Variants in MAGI1 observed in about 807,000 individuals in gnomAD.
MAGI1 encodes membrane-associated guanylate kinase, WW and PDZ domain-containing protein 1.
MAGI1 carries 58 observed loss-of-function variants against 139.9 expected under a neutral mutation model. The ratio of observed to expected loss-of-function variants is 0.41; its 90% confidence interval spans 0.34 to 0.52. The LOEUF is 0.52. Ranked by LOEUF, MAGI1 falls within the 20% of genes least tolerant of loss-of-function variation. MAGI1 has a pLI of 0.12. For synonymous variants in MAGI1, 812 were observed against 737.9 expected (o/e 1.10, Z -1.63); for missense variants, 1,874 against 1,901.6 (o/e 0.99, Z 0.27).
chr3:66,014,159 A>C (rs1268143995), intron 1 of MAGI1, among the ~76,000 whole-genome samples: 1 of 152,198 alleles, frequency 6.6e-6, no homozygotes, highest in African/African-American at 2.4e-5. Flanking sequence ...CATCCAAAGC[A>C]GTTCACCAAA....
intron 2 of MAGI1, among the ~76,000 whole-genome samples, chr3:65,602,721 G>A (rs546465442): frequency 5.5e-4 from 83 of 151,890 alleles, no homozygotes; most frequent in African/African-American, 2.0e-3. Flanking sequence ...ATTTTTAAAA[G>A]GTAGAAAGAA....
At chr3:65,812,637 T>G (rs2041339590) in intron 1 of MAGI1, among the ~76,000 whole-genome samples, 1 of 151,442 alleles carries the variant, frequency 6.6e-6, no homozygotes. Flanking sequence ...CATTCTATGT[T>G]CCAAAGAAAT....
At chr3:65,673,542 A>G (rs574552874) in intron 1 of MAGI1, among the ~76,000 whole-genome samples, 1 of 152,308 alleles carries the variant, frequency 6.6e-6, no homozygotes, top group Non-Finnish European at 1.5e-5. Flanking sequence ...TCCTACTCCA[A>G]TTTGAGAAAA....
At chr3:65,438,005 T>C (rs1370303681) in intron 9 of MAGI1, among the ~76,000 whole-genome samples, 3 of 152,176 alleles carry the variant, frequency 2.0e-5, no homozygotes, top group Admixed American at 6.5e-5. Context: ...AGAACCACCA[T>C]ACAATCCAGC....
At chr3:65,749,861 TA>T (rs2036002114) in intron 1 of MAGI1, among the ~76,000 whole-genome samples, 1 of 152,122 alleles carries the variant, frequency 6.6e-6, no homozygotes. Flanking sequence ...TCCTTATTTT[TA>T]AAAAGAGGTT....
intron 1 of MAGI1, among the ~76,000 whole-genome samples, chr3:65,978,664 T>C (rs1350384264): frequency 6.6e-6 from 1 of 151,198 alleles, no homozygotes; most frequent in African/African-American, 2.4e-5. Flanking sequence ...GTTTCACTCT[T>C]GTTGCCCAGG....
chr3:65,608,053 G>C (rs550117136), intron 2 of MAGI1, among the ~76,000 whole-genome samples: 2 of 152,326 alleles, frequency 1.3e-5, no homozygotes, highest in East Asian at 1.9e-4. Context: ...AAAAAGGTTA[G>C]ACAACCAGTG....
intron 2 of MAGI1, among the ~76,000 whole-genome samples, chr3:65,498,774 T>C (rs2076971966): frequency 6.6e-6 from 1 of 152,198 alleles, no homozygotes; most frequent in South Asian, 2.1e-4. Flanking sequence ...CTGTCTATCC[T>C]GGTAGCCCCT....
intron 1 of MAGI1, among the ~76,000 whole-genome samples, chr3:65,878,795 A>T (rs2060217889): frequency 6.6e-6 from 1 of 152,150 alleles, no homozygotes; most frequent in African/African-American, 2.4e-5. Context: ...CACAGCTCAA[A>T]GGAAGGCTGC....
chr3:66,004,745 T>C (rs1443557916), intron 1 of MAGI1, among the ~76,000 whole-genome samples: 2 of 152,180 alleles, frequency 1.3e-5, no homozygotes, highest in Admixed American at 6.5e-5. Context: ...TGAAATCCCA[T>C]GAACAAGGTA....
intron 1 of MAGI1, among the ~76,000 whole-genome samples, chr3:65,974,592 G>C (rs1250920630): frequency 6.6e-6 from 1 of 152,146 alleles, no homozygotes; most frequent in Non-Finnish European, 1.5e-5. Context: ...GGGTGGTTCT[G>C]GCTCAACATC....
At chr3:65,857,183 G>T (rs544125764) in intron 1 of MAGI1, among the ~76,000 whole-genome samples, 1 of 148,506 alleles carries the variant, frequency 6.7e-6, no homozygotes, top group Non-Finnish European at 1.5e-5. Context: ...GAAGCATTTA[G>T]AACAGGAAAC....
intron 2 of MAGI1, among the ~76,000 whole-genome samples, chr3:65,598,949 G>T (rs1257667008): frequency 1.3e-5 from 2 of 152,188 alleles, no homozygotes; most frequent in Non-Finnish European, 2.9e-5. Context: ...GCTACACCTT[G>T]TAGCAAGAGA....
chr3:65,987,035 TA>T (rs1173192096), intron 1 of MAGI1, among the ~76,000 whole-genome samples: 2 of 152,136 alleles, frequency 1.3e-5, no homozygotes, highest in African/African-American at 4.8e-5. Flanking sequence ...CATGTTCGGC[TA>T]AATTTTTACA....
chr3:65,446,023 T>C (rs903244173), intron 7 of MAGI1, among the ~76,000 whole-genome samples: 1 of 152,174 alleles, frequency 6.6e-6, no homozygotes, highest in East Asian at 1.9e-4. Context: ...CTTTACACAG[T>C]GGACATGTGC....
At position 65,584,884 on chromosome 3, in the gene MAGI1, A is replaced by G. The variant is rs147613010; in HGVS notation, c.430+37088T>C. 7.2e-4 allele frequency among the ~76,000 whole-genome samples: 110 copies of G among 152,304 alleles called. 3 individuals are homozygous for G. The highest frequency in any genetic ancestry group is 2.4e-3 in the African/African-American group (101 of 41,562). ...TCTTGTACCAGGTACTGTGCTAGAC[A>G]CTGGTGCTATAATGGGAAACTGAAC... On this transcript the variant is annotated intron_variant, in intron 2 of 22. Coordinates refer to ENST00000402939, the MANE Select transcript of MAGI1 (RefSeq NM_001033057.2).
intron 1 of MAGI1, among the ~76,000 whole-genome samples, chr3:65,792,334 A>G (rs1308364802): frequency 2.6e-5 from 4 of 151,958 alleles, no homozygotes; most frequent in East Asian, 1.9e-4. Context: ...GTGTGGTGGT[A>G]CACACCTGTA....
At chr3:65,979,088 T>TC (rs200894076) in intron 1 of MAGI1, among the ~76,000 whole-genome samples, 14,341 of 52,354 alleles carry the variant, frequency 0.27, 1,758 homozygotes, top group South Asian at 0.41. Context: ...TTTCTTTTCT[T>TC]CCCCCCCCCC....
chr3:65,632,596 T>G (rs534072238), intron 1 of MAGI1, among the ~76,000 whole-genome samples: 1 of 152,156 alleles, frequency 6.6e-6, no homozygotes, highest in Non-Finnish European at 1.5e-5. Flanking sequence ...TTGGTCTAGG[T>G]CAGGGGTCAG....
Sources: allele counts gnomAD v4.1 joint callset (sites outside exome capture counted in the v4.1 genomes callset), GRCh38; gene constraint gnomAD v4.1.1; transcripts MANE v1.5; gene names NCBI Gene and HGNC (gene_info 2026-07-23, HGNC 2026-07-21).